Variants in C1orf141 observed in about 807,000 individuals in gnomAD.
The protein encoded by C1orf141 is uncharacterized protein C1orf141.
A neutral mutation model predicts 23.2 loss-of-function variants in C1orf141; 19 were observed. The ratio of observed to expected loss-of-function variants is 0.82; its 90% confidence interval spans 0.57 to 1.20. The LOEUF is 1.20. Among genes scored for constraint, C1orf141 ranks in the 50% most tolerant of loss-of-function variants. The pLI is 0.00. For synonymous variants in C1orf141, 153 were observed against 154.6 expected, an observed-to-expected ratio of 0.99 and a Z score of 0.08; for missense variants, 469 against 455.1, an observed-to-expected ratio of 1.03 and a Z score of -0.28.
chr1:67,110,212 G>A (rs1369845863), intron 5 of C1orf141, among the ~76,000 whole-genome samples: 1 of 152,052 alleles, frequency 6.6e-6, no homozygotes, highest in African/African-American at 2.4e-5. Context: ...ATAGTTGGAA[G>A]ACAGGATAAA....
chr1:67,099,909 T>C (rs886754746), intron 5 of C1orf141, among the ~76,000 whole-genome samples: 1 of 152,248 alleles, frequency 6.6e-6, no homozygotes, highest in South Asian at 2.1e-4. Context: ...TTAAATGAAA[T>C]ATTGTGAATA....
intron 5 of C1orf141, among the ~76,000 whole-genome samples, chr1:67,109,044 G>T (rs1570698910): frequency 1.3e-5 from 2 of 152,074 alleles, no homozygotes; most frequent in East Asian, 3.9e-4. Flanking sequence ...AGAATTAAAA[G>T]TAGGCCGGTG....
upstream of C1orf141, among the ~76,000 whole-genome samples, chr1:67,135,468 C>T (rs533452091): frequency 9.8e-5 from 15 of 152,326 alleles, no homozygotes; most frequent in East Asian, 2.1e-3. Flanking sequence ...AAAATCACCA[C>T]TGTATTACGC....
At chr1:67,101,455 T>TGTGTGC (rs2102427547) in intron 5 of C1orf141, among the ~76,000 whole-genome samples, 1 of 149,234 alleles carries the variant, frequency 6.7e-6, no homozygotes, top group South Asian at 2.1e-4. Flanking sequence ...TAAGAGTGTG[T>TGTGTGC]GTGTGTGTGT....
chr1:67,110,145 C>T lies in C1orf141; in HGVS notation c.346+5207G>A, dbSNP rs140739182. Among the ~76,000 whole-genome samples the T allele has an allele frequency of 6.3e-3, 959 of 151,998 alleles. 11 individuals carry two copies. Among genetic ancestry groups the T allele is most frequent in the African/African-American group, 0.022 (928 of 41,474 alleles). ...GTTCAAAGCTGAATATAATAGTTGA[C>T]TTAAAAAATGTGAAAGTAAATAAAT... On this transcript the variant is annotated intron_variant, in intron 5 of 7. Coordinates refer to ENST00000684719, the MANE Select transcript of C1orf141 (RefSeq NM_001276351.2).
chr1:67,121,328 T>G (rs1646295113), intron 4 of C1orf141, among the ~76,000 whole-genome samples: 1 of 152,232 alleles, frequency 6.6e-6, no homozygotes, highest in East Asian at 1.9e-4. Flanking sequence ...TTGGTAAGAC[T>G]TACTTTTAAG....
chr1:67,137,988 T>C (rs1269293064), upstream of C1orf141, among the ~76,000 whole-genome samples: 1 of 152,228 alleles, frequency 6.6e-6, no homozygotes, highest in Non-Finnish European at 1.5e-5. Flanking sequence ...CCATTCCTAA[T>C]GTTCCTTTCA....
At chr1:67,130,246 A>G (rs984672690) in intron 2 of C1orf141, among the ~76,000 whole-genome samples, 3 of 152,188 alleles carry the variant, frequency 2.0e-5, no homozygotes, top group African/African-American at 7.2e-5. Flanking sequence ...AGGCTTTCAT[A>G]TTCCCCACCT....
chr1:67,127,213 C>A lies in C1orf141; in HGVS notation c.28G>T (p.Asp10Tyr), dbSNP rs532344055. Residue 10 changes from aspartate to tyrosine, a missense_variant, in exon 3 of 8, where the codon GAT becomes TAT. By Grantham distance (160) the Asp-to-Tyr change is radical. This residue lies in a region of C1orf141 where 95 missense variants were observed against 90.3 expected (regional missense o/e 1.05). Transcript: ENST00000684719. MAEKILEKL[D>Y]VLDKQAEIIL... ...ATCTCTGCTTGCTTATCAAGGACATCCAACTTCTCTAGGATTTTTTCTGCC... is the reference window on the plus strand; with the variant it reads ...ATCTCTGCTTGCTTATCAAGGACATACAACTTCTCTAGGATTTTTTCTGCC... The A allele has an allele frequency of 3.2e-5, 52 of 1,608,924 alleles. No homozygotes were observed. In the East Asian group the frequency reaches 4.0e-4, roughly 12 times the overall value.
chr1:67,100,796 A>G (rs1268024472), intron 5 of C1orf141, among the ~76,000 whole-genome samples: 1 of 152,200 alleles, frequency 6.6e-6, no homozygotes, highest in Non-Finnish European at 1.5e-5. Flanking sequence ...CTCTCCCCTT[A>G]GAAATTAATA....
At chr1:67,123,542 A>C (rs1646342841) in intron 4 of C1orf141, 1 of 152,132 alleles carries the variant, frequency 6.6e-6, no homozygotes, top group African/African-American at 2.4e-5. Flanking sequence ...GCTATCTAGA[A>C]GCAGATAGAA....
At chr1:67,115,324 G>A in intron 5 of C1orf141, 28 bp downstream of exon 5, 2 of 815,128 alleles carry the variant, frequency 2.5e-6, no homozygotes, top group East Asian at 2.6e-5. Context: ...ATAAATCAAA[G>A]AAGTAAATAT....
At chr1:67,135,906 C>CAGAAAAAA (rs1646580983), upstream of C1orf141, among the ~76,000 whole-genome samples, 1 of 62,620 alleles carries the variant, frequency 1.6e-5, no homozygotes, top group Non-Finnish European at 2.7e-5. Flanking sequence ...GGCAAAACTG[C>CAGAAAAAA]AAAAAAAAAA....
intron 6 of C1orf141, 60 bp downstream of exon 6, chr1:67,096,192 G>A: frequency 1.3e-6 from 1 of 792,140 alleles, no homozygotes; most frequent in Non-Finnish European, 2.1e-6. Flanking sequence ...ATTATAAAAT[G>A]TGTCCTACTA....
In C1orf141 at chr1:67,125,228, A is replaced by G. The variant is rs868532089; in HGVS notation, c.233+524T>C. Among the ~76,000 whole-genome samples, 7 of 151,986 alleles carry G rather than the reference A, an allele frequency of 4.6e-5. No individual in the cohort carries two copies. In the South Asian group the frequency reaches 1.5e-3, roughly 31 times the overall value. On this transcript the variant is annotated intron_variant, in intron 4 of 7. Transcript: ENST00000684719. Reference sequence around the variant, plus strand: ...AAAAGCCTTCCTTTAAAAATTCACAATTGTAATTACCATCTACACTAGTAA... The same window carrying G: ...AAAAGCCTTCCTTTAAAAATTCACAGTTGTAATTACCATCTACACTAGTAA...
At chr1:67,128,309 G>A (rs989580944) in intron 2 of C1orf141, among the ~76,000 whole-genome samples, 1 of 151,924 alleles carries the variant, frequency 6.6e-6, no homozygotes, top group Non-Finnish European at 1.5e-5. Flanking sequence ...AAATAGCTAG[G>A]GCAGAGTGGA....
At chr1:67,110,606 T>C (rs533553855) in intron 5 of C1orf141, among the ~76,000 whole-genome samples, 121 of 152,224 alleles carry the variant, frequency 7.9e-4, no homozygotes, top group Non-Finnish European at 7.5e-4. Flanking sequence ...AGTGTTTCTC[T>C]ACTATTTGCA....
intron 5 of C1orf141, among the ~76,000 whole-genome samples, chr1:67,100,366 T>G (rs1645770514): frequency 6.6e-6 from 1 of 152,224 alleles, no homozygotes; most frequent in South Asian, 2.1e-4. Flanking sequence ...TCAATGTTTA[T>G]TTTACTCTTT....
intron 5 of C1orf141, among the ~76,000 whole-genome samples, chr1:67,113,351 A>G (rs767198203): frequency 6.6e-6 from 1 of 151,606 alleles, no homozygotes; most frequent in Non-Finnish European, 1.5e-5. Flanking sequence ...TTCACAATAT[A>G]CAGGTCTTTG....
Sources: gnomAD v4.1 joint callset for allele counts (sites outside exome capture counted in the v4.1 genomes callset) on GRCh38, gnomAD v4.1.1 for gene constraint, gnomAD v4.1.1 regional missense constraint, MANE v1.5 for transcripts, NCBI Gene and HGNC (gene_info 2026-07-23, HGNC 2026-07-21) for gene names.